Variants in TLN2 observed in about 807,000 individuals in gnomAD.
TLN2 encodes talin 2, also known as talin-2.
TLN2 carries 118 observed loss-of-function variants against 294.7 expected under a neutral mutation model. That is an observed-to-expected ratio of 0.40 (90% CI 0.34 to 0.47). The LOEUF (loss-of-function observed/expected upper bound fraction) is 0.47, where lower values mean the gene tolerates loss of function less well. Among genes scored for constraint, TLN2 ranks in the 20% least tolerant of loss-of-function variants. The pLI is 0.84. For missense variants in TLN2, 3,083 were observed against 3,282.2 expected, an observed-to-expected ratio of 0.94 and a Z score of 1.48; for synonymous variants, 1,431 against 1,304.5, an observed-to-expected ratio of 1.10 and a Z score of -2.09.
chr15:62,734,604 T>G (rs2060906116), intron 28 of TLN2, among the ~76,000 whole-genome samples: 1 of 152,268 alleles, frequency 6.6e-6, no homozygotes. Context: ...TTTGTTCACC[T>G]TTGTGCTTTC....
At chr15:62,788,845 G>C (rs1317519372) in intron 45 of TLN2, among the ~76,000 whole-genome samples, 1 of 152,106 alleles carries the variant, frequency 6.6e-6, no homozygotes. Flanking sequence ...TTTTCCACAT[G>C]TACCTGTTCA....
chr15:62,818,306 CT>C (rs2067277604), intron 52 of TLN2, among the ~76,000 whole-genome samples: 1 of 152,194 alleles, frequency 6.6e-6, no homozygotes, highest in African/African-American at 2.4e-5. Context: ...TCTCTCCTGA[CT>C]GTCTGAACAT....
chr15:62,703,335 C>T (rs981965174), intron 19 of TLN2, among the ~76,000 whole-genome samples: 17 of 152,048 alleles, frequency 1.1e-4, no homozygotes, highest in African/African-American at 3.4e-4. Flanking sequence ...ACTTTGACCT[C>T]GTGATCTGCC....
At chr15:62,820,637 C>T (rs759239645) in intron 54 of TLN2, 27 bp downstream of exon 54, 8 of 1,605,906 alleles carry the variant, frequency 5.0e-6, no homozygotes, top group Non-Finnish European at 6.8e-6. Context: ...GGTTGGCTGT[C>T]CGATGTCAGT....
intron 32 of TLN2, among the ~76,000 whole-genome samples, chr15:62,743,188 C>G (rs1411027082): frequency 6.6e-6 from 1 of 152,144 alleles, no homozygotes; most frequent in Non-Finnish European, 1.5e-5. Flanking sequence ...ATCTGATCAT[C>G]ATAGTCTCAG....
chr15:62,536,386 C>T (rs544698476), intron 1 of TLN2, among the ~76,000 whole-genome samples: 21 of 152,138 alleles, frequency 1.4e-4, no homozygotes, highest in Non-Finnish European at 2.5e-4. Flanking sequence ...TTCTCTCATC[C>T]GTAGGGGCTT....
chr15:62,555,304 A>G lies in TLN2; in HGVS notation c.-237-34383A>G, dbSNP rs540064120. 9.8e-5 allele frequency among the ~76,000 whole-genome samples: 15 copies of G among 152,342 alleles called. No individual in the cohort carries two copies. In the South Asian group the frequency reaches 3.1e-3, roughly 32 times the overall value. On this transcript the variant is annotated intron_variant, in intron 1 of 58. Transcript: ENST00000636159. ...ACTAATTTTTCATTTGTGAATATTT[A>G]TGAAAAGACTCAGTTGAAGTGTTCC...
chr15:62,840,452 G>A (rs2070524488), intron 58 of TLN2, 30 bp from the exon 59 acceptor site: 1 of 1,613,202 alleles, frequency 6.2e-7, no homozygotes, highest in South Asian at 1.1e-5. Flanking sequence ...CAAAGTGTTA[G>A]GTCCATCCAG....
chr15:62,829,728 C>G (rs1017407647), intron 54 of TLN2: 10 of 152,236 alleles, frequency 6.6e-5, no homozygotes, highest in African/African-American at 2.4e-4. Flanking sequence ...TGTGCTGTCA[C>G]ATGTAGTAGG....
chr15:62,829,581 A>C (rs1167332078), intron 54 of TLN2: 2 of 152,218 alleles, frequency 1.3e-5, no homozygotes, highest in Non-Finnish European at 2.9e-5. Flanking sequence ...TCAGGCATGC[A>C]ATGTGAAATA....
chr15:62,824,053 GGTTCCTAATAAA>G (rs2067818924), intron 54 of TLN2: 1 of 501,902 alleles, frequency 2.0e-6, no homozygotes, highest in South Asian at 1.5e-5. Context: ...TGTCTCCGGG[GGTTCCTAATAAA>G]GTTTATAAGG....
At chr15:62,581,819 A>G (rs936697215) in intron 1 of TLN2, among the ~76,000 whole-genome samples, 5 of 152,006 alleles carry the variant, frequency 3.3e-5, no homozygotes, top group South Asian at 2.1e-4. Context: ...CGAGGCAGGC[A>G]GATCACCTGA....
intron 51 of TLN2, among the ~76,000 whole-genome samples, chr15:62,808,919 C>T (rs1032751196): frequency 2.0e-5 from 3 of 152,242 alleles, no homozygotes; most frequent in Non-Finnish European, 4.4e-5. Flanking sequence ...AAGGTATTCC[C>T]ATCAGCACTC....
At chr15:62,649,303 TG>T (rs1340039094) in intron 4 of TLN2, among the ~76,000 whole-genome samples, 18 of 150,768 alleles carry the variant, frequency 1.2e-4, no homozygotes, top group African/African-American at 4.4e-4. Context: ...TTTTTTTTGG[TG>T]GGGGTGGGGA....
chr15:62,830,251 G>A (rs1174911110), intron 54 of TLN2: 34 of 152,238 alleles, frequency 2.2e-4, no homozygotes. Flanking sequence ...CTCAGCTAAA[G>A]AGGGCCTTAA....
intron 2 of TLN2, among the ~76,000 whole-genome samples, chr15:62,592,653 G>A (rs933534837): frequency 2.0e-5 from 3 of 151,684 alleles, no homozygotes; most frequent in African/African-American, 7.3e-5. Flanking sequence ...CCAGTCCAAA[G>A]TCTGAATAAA....
In TLN2 at chr15:62,403,874, A is replaced by G. The variant is rs145917220; in HGVS notation, c.-238+13189A>G. On this transcript the variant is annotated intron_variant, in intron 1 of 58. Coordinates refer to ENST00000636159, the MANE Select transcript of TLN2 (RefSeq NM_015059.3). ...CTTCCTTATTTTTCTATCATTTACT[A>G]TTCCCTGATATTACATACAGGACTC... is the stretch of plus-strand genomic sequence containing the variant. Among the ~76,000 whole-genome samples, 475 of 152,268 alleles carry G rather than the reference A, an allele frequency of 3.1e-3. 3 individuals are homozygous for G. Among genetic ancestry groups the G allele is most frequent in the African/African-American group, 0.011 (465 of 41,544 alleles).
rs1381330759 is a variant in TLN2 at position 62,748,384 on chromosome 15, T to A, written c.4059T>A (p.Thr1353=). ...CAGAGAGCATCAATCAACTCATCAC[T>A]CTGTGTACCCAACAAGCTCCGGGCC... ...AVTESINQLI[T]LCTQQAPGQK... is the part of the protein sequence containing the mutation. The change falls in exon 33 of 59, where the codon ACT becomes ACA. Residue 1353 remains threonine, a synonymous_variant. Transcript: ENST00000636159. 1 of 1,613,594 alleles carries A rather than the reference T, an allele frequency of 6.2e-7. No individual in the cohort carries two copies. The highest frequency in any genetic ancestry group is 2.2e-5 in the East Asian group (1 of 44,856).
At chr15:62,752,497 A>T (rs2061991805) in intron 35 of TLN2, 70 bp downstream of exon 35, 1 of 1,569,520 alleles carries the variant, frequency 6.4e-7, no homozygotes, top group African/African-American at 1.4e-5. Flanking sequence ...GGGGAACTCC[A>T]GCTGCACCTC....
Sources: gnomAD v4.1 joint callset for allele counts (sites outside exome capture counted in the v4.1 genomes callset) on GRCh38, gnomAD v4.1.1 for gene constraint, MANE v1.5 for transcripts, NCBI Gene and HGNC (gene_info 2026-07-23, HGNC 2026-07-21) for gene names.